The following STX8 variants were observed in gnomAD, a reference collection of about 807,000 sequenced individuals.
The protein encoded by STX8 is syntaxin 8, also known as syntaxin-8.
A neutral mutation model predicts 37.5 loss-of-function variants in STX8; 23 were observed. The observed-to-expected ratio is 0.61, with a 90% confidence interval of 0.44 to 0.87. STX8 has a LOEUF of 0.87. Ranked by LOEUF, STX8 falls within the 40% of genes least tolerant of loss-of-function variation. The pLI, the probability that STX8 is intolerant of heterozygous loss-of-function variation, is 0.00. For missense variants in STX8, 313 were observed against 284.7 expected (o/e 1.10, Z -0.71); for synonymous variants, 115 against 99.1 (o/e 1.16, Z -0.95).
At chr17:9,405,142 T>C (rs1003244777) in intron 6 of STX8, among the ~76,000 whole-genome samples, 2 of 152,246 alleles carry the variant, frequency 1.3e-5, no homozygotes, top group African/African-American at 2.4e-5. Context: ...GTCATAACAA[T>C]AGCATCTTCA....
chr17:9,510,959 A>G (rs1905002230), intron 4 of STX8, among the ~76,000 whole-genome samples: 1 of 152,128 alleles, frequency 6.6e-6, no homozygotes, highest in African/African-American at 2.4e-5. Flanking sequence ...ACAAAGAATC[A>G]TTACAGGATA....
chr17:9,564,947 C>T (rs1026574555), intron 2 of STX8, among the ~76,000 whole-genome samples: 7 of 152,232 alleles, frequency 4.6e-5, no homozygotes, highest in African/African-American at 1.7e-4. Flanking sequence ...GTGGCTCATG[C>T]CTGTAATCCC....
chr17:9,534,224 G>C (rs1411851060), intron 4 of STX8, among the ~76,000 whole-genome samples: 1 of 151,100 alleles, frequency 6.6e-6, no homozygotes, highest in Admixed American at 6.6e-5. Flanking sequence ...AAAAAACCTG[G>C]ATTTAAAACA....
intron 6 of STX8, among the ~76,000 whole-genome samples, chr17:9,444,688 T>C (rs1597676352): frequency 6.6e-6 from 1 of 152,202 alleles, no homozygotes; most frequent in Non-Finnish European, 1.5e-5. Context: ...ATCTTCTATG[T>C]ATGCACACAA....
intron 6 of STX8, among the ~76,000 whole-genome samples, chr17:9,464,166 A>C (rs1306068940): frequency 6.6e-6 from 1 of 152,248 alleles, no homozygotes; most frequent in Non-Finnish European, 1.5e-5. Flanking sequence ...CATCTTCCTA[A>C]ATCTGATTCT....
At chr17:9,314,409 T>C (rs895573160) in intron 7 of STX8, among the ~76,000 whole-genome samples, 3 of 152,144 alleles carry the variant, frequency 2.0e-5, no homozygotes, top group African/African-American at 7.2e-5. Context: ...TGTTTTGTTT[T>C]GTTTTTGAGA....
At chr17:9,474,013 G>C (rs1408076910) in intron 6 of STX8, among the ~76,000 whole-genome samples, 4 of 152,174 alleles carry the variant, frequency 2.6e-5, no homozygotes, top group African/African-American at 9.7e-5. Context: ...GGAGATCAAG[G>C]TCAGTCAAGT....
At chr17:9,336,407 C>T (rs1475906180) in intron 7 of STX8, among the ~76,000 whole-genome samples, 4 of 151,390 alleles carry the variant, frequency 2.6e-5, no homozygotes, top group Non-Finnish European at 5.9e-5. Context: ...CCCCTTCCTC[C>T]CTTCCTTCCC....
intron 7 of STX8, among the ~76,000 whole-genome samples, chr17:9,349,319 T>C: frequency 7.0e-6 from 1 of 143,720 alleles, no homozygotes; most frequent in Admixed American, 6.8e-5. Context: ...TTCTTTTCTT[T>C]TTTTTTTTTT....
chr17:9,261,165 G>A (rs1465290949), intron 7 of STX8, among the ~76,000 whole-genome samples: 2 of 152,202 alleles, frequency 1.3e-5, no homozygotes, highest in Admixed American at 6.5e-5. Flanking sequence ...GCACCTGGCT[G>A]GGCGTCAGGT....
intron 6 of STX8, among the ~76,000 whole-genome samples, chr17:9,466,520 G>T (rs1905621032): frequency 6.6e-6 from 1 of 152,100 alleles, no homozygotes; most frequent in African/African-American, 2.4e-5. Flanking sequence ...TTTAACACAG[G>T]CATGGAAATA....
chr17:9,280,435 C>G (rs1182163338), intron 7 of STX8, among the ~76,000 whole-genome samples: 1 of 152,100 alleles, frequency 6.6e-6, no homozygotes, highest in Non-Finnish European at 1.5e-5. Context: ...CGCCTGTAAT[C>G]CCAGCTACTT....
At chr17:9,560,453 G>GA (rs993095518) in intron 2 of STX8, among the ~76,000 whole-genome samples, 22 of 145,462 alleles carry the variant, frequency 1.5e-4, no homozygotes, top group Non-Finnish European at 2.9e-4. Context: ...GTCATAAAGT[G>GA]AAAAAAAATC....
rs368822656 is a variant in STX8 at position 9,363,404 on chromosome 17, G to C, written c.643+15148C>G. On this transcript the variant is annotated intron_variant, in intron 7 of 7. Coordinates refer to ENST00000306357, the MANE Select transcript of STX8 (RefSeq NM_004853.3). ...TAATGAGAACTGATGAGTTAGGCTGGGTTCACAAAATATATTCAGCAGGTA... is the reference window on the plus strand; with the variant it reads ...TAATGAGAACTGATGAGTTAGGCTGCGTTCACAAAATATATTCAGCAGGTA... Among the ~76,000 whole-genome samples the C allele has an allele frequency of 1.7e-4, 26 of 152,152 alleles. No individual in the cohort carries two copies. The East Asian group carries it at 4.6e-3, about 27-fold the overall frequency.
chr17:9,357,926 G>C (rs1312267433), intron 7 of STX8, among the ~76,000 whole-genome samples: 2 of 152,142 alleles, frequency 1.3e-5, no homozygotes, highest in Admixed American at 6.6e-5. Context: ...AGAATAAGTA[G>C]CTAAGTGCAC....
chr17:9,307,349 G>T (rs1052588742), intron 7 of STX8, among the ~76,000 whole-genome samples: 1 of 152,102 alleles, frequency 6.6e-6, no homozygotes, highest in South Asian at 2.1e-4. Context: ...TGTCCTGCTT[G>T]GGGGAGGGCT....
At chr17:9,370,708 G>T (rs1300447551) in intron 7 of STX8, among the ~76,000 whole-genome samples, 1 of 152,170 alleles carries the variant, frequency 6.6e-6, no homozygotes, top group African/African-American at 2.4e-5. Flanking sequence ...GAGTCATTCA[G>T]AATTCTTAGT....
At chr17:9,478,060 G>A (rs1906170951) in intron 6 of STX8, among the ~76,000 whole-genome samples, 2 of 152,214 alleles carry the variant, frequency 1.3e-5, no homozygotes, top group Non-Finnish European at 2.9e-5. Context: ...ACTCACTGGT[G>A]TAGGTAAGTT....
chr17:9,262,851 G>A (rs555149322), intron 7 of STX8, among the ~76,000 whole-genome samples: 32 of 152,138 alleles, frequency 2.1e-4, no homozygotes, highest in Non-Finnish European at 4.4e-4. Context: ...TAGGATACAG[G>A]CATGAGCCAC....
Sources: allele counts gnomAD v4.1 joint callset (sites outside exome capture counted in the v4.1 genomes callset), GRCh38; gene constraint gnomAD v4.1.1; transcripts MANE v1.5; gene names NCBI Gene and HGNC (gene_info 2026-07-23, HGNC 2026-07-21).